Variants in NTRK2 observed in about 807,000 individuals in gnomAD.
NTRK2 encodes the protein neurotrophic receptor tyrosine kinase 2.
In NTRK2, 13 loss-of-function variants were observed where a neutral mutation model predicts 94.5. That is an observed-to-expected ratio of 0.14 (90% confidence interval 0.09 to 0.22). The LOEUF (loss-of-function observed/expected upper bound fraction) is 0.22. NTRK2 is among the 10% of genes least tolerant of loss of function. The probability of loss-of-function intolerance (pLI) is 1.00; values close to 1 mark genes in which losing one functional copy is unlikely to be tolerated. For missense variants in NTRK2, 639 were observed against 1,071.2 expected (o/e 0.60, Z 5.63); for synonymous variants, 372 against 407.4 (o/e 0.91, Z 1.05).
chr9:84,969,896 C>A (rs1825984770), intron 17 of NTRK2, among the ~76,000 whole-genome samples: 1 of 152,164 alleles, frequency 6.6e-6, no homozygotes, highest in South Asian at 2.1e-4. Context: ...GCTCATTAGA[C>A]ATGTATAATA....
At chr9:84,671,540 A>C (rs985127751) in intron 2 of NTRK2, among the ~76,000 whole-genome samples, 1 of 152,158 alleles carries the variant, frequency 6.6e-6, no homozygotes, top group Non-Finnish European at 1.5e-5. Flanking sequence ...AGAAGTTCTG[A>C]GTGTTGAAAT....
intron 12 of NTRK2, among the ~76,000 whole-genome samples, chr9:84,755,273 G>T (rs1175199513): frequency 6.6e-6 from 1 of 152,172 alleles, no homozygotes; most frequent in Admixed American, 6.5e-5. Context: ...TCCAGAACAG[G>T]CAGCACAGAC....
chr9:84,970,061 A>G (rs1279787977), intron 17 of NTRK2, among the ~76,000 whole-genome samples: 1 of 152,152 alleles, frequency 6.6e-6, no homozygotes, highest in Non-Finnish European at 1.5e-5. Context: ...TGAACAAGTG[A>G]CTTAACCTCT....
chr9:84,873,185 G>A (rs199797636), intron 14 of NTRK2: 9 of 1,062,364 alleles, frequency 8.5e-6, no homozygotes, highest in South Asian at 4.6e-5. Flanking sequence ...TTGCTTTAGC[G>A]CTTCCTTCTG....
chr9:84,809,311 T>C (rs1214379297), intron 12 of NTRK2, among the ~76,000 whole-genome samples: 2 of 151,792 alleles, frequency 1.3e-5, no homozygotes, highest in African/African-American at 4.8e-5. Context: ...GTTTTCTTTA[T>C]TTTTGTAACA....
chr9:84,695,073 AAC>A (rs1554694510), intron 2 of NTRK2, among the ~76,000 whole-genome samples: 3 of 133,874 alleles, frequency 2.2e-5, no homozygotes, highest in Admixed American at 8.0e-5. Context: ...AAAAAAAAAA[AAC>A]ACACAACAAA....
intron 17 of NTRK2, among the ~76,000 whole-genome samples, chr9:84,984,677 T>A (rs934592936): frequency 1.3e-5 from 2 of 152,190 alleles, no homozygotes; most frequent in African/African-American, 4.8e-5. Flanking sequence ...AAAAATAGTT[T>A]AGAGCAAGTT....
intron 12 of NTRK2, among the ~76,000 whole-genome samples, chr9:84,835,326 C>A (rs1165970591): frequency 6.6e-6 from 1 of 152,142 alleles, no homozygotes; most frequent in Non-Finnish European, 1.5e-5. Context: ...CAGTGCCCAT[C>A]TGTGCATGAC....
chr9:84,785,840 A>G (rs367640153), intron 12 of NTRK2, among the ~76,000 whole-genome samples: 20 of 152,282 alleles, frequency 1.3e-4, no homozygotes, highest in East Asian at 1.2e-3. Context: ...CTTAAAACAT[A>G]AATTTTGAGA....
intron 14 of NTRK2, among the ~76,000 whole-genome samples, chr9:84,928,082 T>G (rs1417842386): frequency 6.6e-6 from 1 of 152,256 alleles, no homozygotes; most frequent in Admixed American, 6.5e-5. Context: ...TAATATTATT[T>G]ATGAATATTT....
chr9:84,981,863 ATAGT>A (rs1388988479), intron 17 of NTRK2, among the ~76,000 whole-genome samples: 1 of 152,200 alleles, frequency 6.6e-6, no homozygotes, highest in Non-Finnish European at 1.5e-5. Context: ...ATGCAGACAA[ATAGT>A]TAATTGGCTT....
intron 12 of NTRK2, among the ~76,000 whole-genome samples, chr9:84,821,815 T>G (rs1040090337): frequency 4.7e-5 from 7 of 147,480 alleles, no homozygotes; most frequent in South Asian, 4.4e-4. Context: ...GGGAGAGAAG[T>G]AGAGAGAGAG....
At chr9:84,696,577 A>T (rs1340655997) in intron 2 of NTRK2, among the ~76,000 whole-genome samples, 1 of 152,190 alleles carries the variant, frequency 6.6e-6, no homozygotes, top group East Asian at 1.9e-4. Flanking sequence ...GGAAACGGAG[A>T]TCAGTGAGAT....
intron 12 of NTRK2, among the ~76,000 whole-genome samples, chr9:84,770,363 A>G (rs2066436651): frequency 6.6e-6 from 1 of 152,144 alleles, no homozygotes; most frequent in Admixed American, 6.5e-5. Context: ...GATCTGTGGT[A>G]TAATTTACAC....
intron 12 of NTRK2, among the ~76,000 whole-genome samples, chr9:84,759,025 A>T (rs1028988851): frequency 2.6e-5 from 4 of 152,236 alleles, no homozygotes; most frequent in African/African-American, 9.6e-5. Context: ...AGTGGAGTTC[A>T]AAGTCTATCT....
At chr9:84,699,663 GTT>G (rs34384973) in intron 2 of NTRK2, among the ~76,000 whole-genome samples, 1 of 140,120 alleles carries the variant, frequency 7.1e-6, no homozygotes, top group Admixed American at 7.1e-5. Flanking sequence ...TTATGTGTGT[GTT>G]TTTTTTTTTT....
chr9:84,815,935 C>T (rs2072349063), intron 12 of NTRK2, among the ~76,000 whole-genome samples: 1 of 149,934 alleles, frequency 6.7e-6, no homozygotes, highest in Non-Finnish European at 1.5e-5. Flanking sequence ...ATTGTCCATT[C>T]ATTGTTTACT....
intron 11 of NTRK2, among the ~76,000 whole-genome samples, chr9:84,746,240 G>A (rs1250523168): frequency 6.6e-6 from 1 of 152,142 alleles, no homozygotes; most frequent in Admixed American, 6.5e-5. Context: ...AAATTTTATT[G>A]TCCATGAACA....
At chr9:84,917,802 G>A (rs1260225577) in intron 14 of NTRK2, among the ~76,000 whole-genome samples, 1 of 152,126 alleles carries the variant, frequency 6.6e-6, no homozygotes, top group African/African-American at 2.4e-5. Flanking sequence ...TGCTCAATGA[G>A]CCAACAAAAC....
Sources: allele counts gnomAD v4.1 joint callset (sites outside exome capture counted in the v4.1 genomes callset), GRCh38; gene constraint gnomAD v4.1.1; transcripts MANE v1.5; gene names NCBI Gene and HGNC (gene_info 2026-07-23, HGNC 2026-07-21).